The following TAFA2 variants were observed in gnomAD, a reference collection of about 807,000 sequenced individuals.
The protein encoded by TAFA2 is TAFA chemokine like family member 2, also known as chemokine-like protein TAFA-2.
A neutral mutation model predicts 18.8 loss-of-function variants in TAFA2; 7 were observed. The observed-to-expected ratio is 0.37, with a 90% confidence interval of 0.21 to 0.70. The LOEUF is 0.70. Ranked by LOEUF, TAFA2 falls within the 30% of genes least tolerant of loss-of-function variation. The pLI is 0.53. For synonymous variants in TAFA2, 60 were observed against 54.2 expected (o/e 1.11, Z -0.47); for missense variants, 122 against 158.1 (o/e 0.77, Z 1.23).
At chr12:61,900,010 C>T (rs1011316039) in intron 1 of TAFA2, among the ~76,000 whole-genome samples, 3 of 152,156 alleles carry the variant, frequency 2.0e-5, no homozygotes, top group Non-Finnish European at 2.9e-5. Context: ...TATTTCGAAG[C>T]TGGGTTTGTG....
chr12:62,012,942 G>T lies in TAFA2; in HGVS notation c.-1-145516C>A, dbSNP rs76940238. Among the ~76,000 whole-genome samples, 1,178 of 152,228 alleles carry T rather than the reference G, an allele frequency of 7.7e-3. 17 individuals carry two copies. Among genetic ancestry groups the T allele is most frequent in the African/African-American group, 0.027 (1,127 of 41,540 alleles). ...TGCCCTGAAATTTGCCCAGTTCAGA[G>T]CCTCAATGCATACTTACATATTCTC... On this transcript the variant is annotated intron_variant, in intron 1 of 4. Transcript: ENST00000416284.
At chr12:61,827,228 A>C (rs954357987) in intron 2 of TAFA2, 2 of 151,872 alleles carry the variant, frequency 1.3e-5, no homozygotes, top group African/African-American at 4.8e-5. Flanking sequence ...TTGAGCAACA[A>C]GAGAGAATTC....
intron 1 of TAFA2, among the ~76,000 whole-genome samples, chr12:62,146,104 A>G (rs1296875502): frequency 6.6e-6 from 1 of 152,036 alleles, no homozygotes; most frequent in African/African-American, 2.4e-5. Context: ...CAAATCTAAC[A>G]TCTATCCTGG....
In TAFA2 at chr12:61,989,943, A is replaced by G. The variant is rs185771646; in HGVS notation, c.-1-122517T>C. On this transcript the variant is annotated intron_variant, in intron 1 of 4. Transcript: ENST00000416284. ...TCTTCATCCATTTCACCTCCAAAAC[A>G]GCACTCCTTACAACTCAGTCTCTAT... Among the ~76,000 whole-genome samples the G allele has an allele frequency of 6.2e-4, 95 of 152,278 alleles. 1 individual carries two copies. The East Asian group carries it at 0.017, about 27-fold the overall frequency.
chr12:62,125,821 G>T (rs1870434277), intron 1 of TAFA2, among the ~76,000 whole-genome samples: 1 of 152,064 alleles, frequency 6.6e-6, no homozygotes, highest in African/African-American at 2.4e-5. Context: ...TTTTGTTTGA[G>T]TCTTTCTTTA....
At chr12:61,964,506 C>T (rs887592147) in intron 1 of TAFA2, among the ~76,000 whole-genome samples, 8 of 151,662 alleles carry the variant, frequency 5.3e-5, no homozygotes, top group Non-Finnish European at 1.2e-4. Context: ...ACTTCAAATC[C>T]ACCTTATACC....
intron 4 of TAFA2, among the ~76,000 whole-genome samples, chr12:61,748,986 T>C (rs1565619864): frequency 1.3e-5 from 2 of 151,828 alleles, no homozygotes; most frequent in Non-Finnish European, 1.5e-5. Flanking sequence ...AATAATGTGG[T>C]TGGGTGTGGT....
chr12:61,764,940 G>A (rs1043131756), intron 2 of TAFA2, among the ~76,000 whole-genome samples: 4 of 152,014 alleles, frequency 2.6e-5, no homozygotes, highest in African/African-American at 4.8e-5. Flanking sequence ...TCAATTCCAC[G>A]AGAGAGATCT....
chr12:61,797,935 T>A (rs547488278), intron 2 of TAFA2, among the ~76,000 whole-genome samples: 1 of 152,310 alleles, frequency 6.6e-6, no homozygotes, highest in East Asian at 1.9e-4. Flanking sequence ...TTATATCATA[T>A]ACAGTGTCTA....
chr12:61,779,111 G>A (rs1040217139), intron 2 of TAFA2, among the ~76,000 whole-genome samples: 1 of 151,870 alleles, frequency 6.6e-6, no homozygotes, highest in Non-Finnish European at 1.5e-5. Context: ...ATAATGTAAA[G>A]CTGTGTGTTC....
intron 1 of TAFA2, among the ~76,000 whole-genome samples, chr12:61,965,159 G>C (rs1276696240): frequency 1.3e-5 from 2 of 151,852 alleles, no homozygotes; most frequent in Non-Finnish European, 2.9e-5. Context: ...AGAAGGTGGG[G>C]GCCTTTGAGA....
intron 4 of TAFA2, among the ~76,000 whole-genome samples, chr12:61,719,904 T>C (rs1869821457): frequency 6.6e-6 from 1 of 152,168 alleles, no homozygotes. Flanking sequence ...TCCATAGAAT[T>C]AAGAGATGAT....
intron 1 of TAFA2, among the ~76,000 whole-genome samples, chr12:62,131,524 C>T (rs1201437920): frequency 6.6e-6 from 1 of 152,048 alleles, no homozygotes; most frequent in Non-Finnish European, 1.5e-5. Flanking sequence ...GCTCCTGCAA[C>T]ACTCCAGATT....
chr12:61,856,705 G>T (rs574661727), intron 2 of TAFA2, among the ~76,000 whole-genome samples: 1 of 151,940 alleles, frequency 6.6e-6, no homozygotes, highest in South Asian at 2.1e-4. Context: ...AATTAAAAGT[G>T]TCATTGTCAA....
intron 2 of TAFA2, among the ~76,000 whole-genome samples, chr12:61,764,784 T>A (rs1441535531): frequency 1.3e-5 from 2 of 152,094 alleles, no homozygotes; most frequent in East Asian, 1.9e-4. Flanking sequence ...CTAAACTTAG[T>A]GAGAAACTGA....
chr12:61,874,722 C>T (rs918423863), intron 1 of TAFA2, among the ~76,000 whole-genome samples: 3 of 152,136 alleles, frequency 2.0e-5, no homozygotes, highest in Non-Finnish European at 4.4e-5. Flanking sequence ...CAAGCTCTAA[C>T]ATCCAAAACA....
At chr12:61,928,884 C>T (rs1384418751) in intron 1 of TAFA2, among the ~76,000 whole-genome samples, 1 of 152,040 alleles carries the variant, frequency 6.6e-6, no homozygotes, top group Non-Finnish European at 1.5e-5. Flanking sequence ...TGGAAATCAT[C>T]ATTCTCAGCA....
chr12:62,147,773 A>T (rs2062297672), intron 1 of TAFA2, among the ~76,000 whole-genome samples: 1 of 151,740 alleles, frequency 6.6e-6, no homozygotes, highest in Non-Finnish European at 1.5e-5. Context: ...CAGAATAAAC[A>T]GACAACCTAC....
At chr12:62,206,838 A>G (rs1176142098) in intron 1 of TAFA2, 1 of 151,700 alleles carries the variant, frequency 6.6e-6, no homozygotes, top group Non-Finnish European at 1.5e-5. Context: ...CTGATATCAC[A>G]TATTTTGGTT....
Sources: gnomAD v4.1 joint callset for allele counts (sites outside exome capture counted in the v4.1 genomes callset) on GRCh38, gnomAD v4.1.1 for gene constraint, MANE v1.5 for transcripts, NCBI Gene and HGNC (gene_info 2026-07-23, HGNC 2026-07-21) for gene names.